The following TMEM17 variants were observed in gnomAD, a reference collection of about 807,000 sequenced individuals.
TMEM17 encodes the protein transmembrane protein 17.
Under a neutral mutation model 19.1 loss-of-function variants are expected in TMEM17, and 15 were observed. The observed-to-expected ratio is 0.78, with a 90% CI of 0.52 to 1.21. The LOEUF (loss-of-function observed/expected upper bound fraction) is 1.21, where lower values mean the gene tolerates loss of function less well. Ranked by LOEUF, TMEM17 falls within the 50% of genes most tolerant of loss-of-function variation. The probability of loss-of-function intolerance (pLI) is 0.00; values close to 1 mark genes in which losing one functional copy is unlikely to be tolerated. For missense variants in TMEM17, 245 were observed against 242.3 expected (o/e 1.01, Z -0.07); for synonymous variants, 103 against 86.9 (o/e 1.19, Z -1.03).
the TMEM17 span, among the ~76,000 whole-genome samples, chr2:62,492,025 T>G: frequency 6.6e-6 from 1 of 151,986 alleles, no homozygotes; most frequent in Non-Finnish European, 1.5e-5. Context: ...TAAAAAACAA[T>G]GAGAGTAGCT....
chr2:62,476,568 T>C, the TMEM17 span, among the ~76,000 whole-genome samples: 3 of 152,330 alleles, frequency 2.0e-5, no homozygotes, highest in Middle Eastern at 3.4e-3. Context: ...CATTGTAAAG[T>C]TGAAAAATCC....
the TMEM17 span, among the ~76,000 whole-genome samples, chr2:62,487,239 C>T: frequency 3.3e-5 from 5 of 152,238 alleles, no homozygotes; most frequent in African/African-American, 1.2e-4. Context: ...TTTGCCACCA[C>T]ATTCCTTGTT....
the TMEM17 span, among the ~76,000 whole-genome samples, chr2:62,471,889 TGG>T: frequency 6.6e-6 from 1 of 152,272 alleles, no homozygotes; most frequent in Non-Finnish European, 1.5e-5. Flanking sequence ...TAGTCGTCTA[TGG>T]TGTTTCAGCC....
the TMEM17 span, among the ~76,000 whole-genome samples, chr2:62,464,527 C>T: frequency 6.6e-6 from 1 of 152,216 alleles, no homozygotes; most frequent in African/African-American, 2.4e-5. Context: ...CAAAACTTCA[C>T]TTCTGTGGTA....
At chr2:62,473,293 C>A in the TMEM17 span, among the ~76,000 whole-genome samples, 1 of 152,182 alleles carries the variant, frequency 6.6e-6, no homozygotes, top group Non-Finnish European at 1.5e-5. Flanking sequence ...ACCACACCGC[C>A]AAAACCCAGA....
chr2:62,466,582 A>C, the TMEM17 span, among the ~76,000 whole-genome samples: 47 of 152,256 alleles, frequency 3.1e-4, no homozygotes, highest in Non-Finnish European at 5.4e-4. Flanking sequence ...CCTGTCTGGA[A>C]CTTTCTGGAT....
At chr2:62,474,480 G>A in the TMEM17 span, among the ~76,000 whole-genome samples, 1 of 152,216 alleles carries the variant, frequency 6.6e-6, no homozygotes, top group Non-Finnish European at 1.5e-5. Context: ...GGCCATGAAA[G>A]CACGGTAACG....
chr2:62,500,903 A>C lies in TMEM17; in HGVS notation c.*306T>G. ...TCTCTAGTTAAAGATTCTAACCAGA[A>C]ATGCTACGAGAGAGCTGGCAAATGA... On this transcript the variant is annotated 3_prime_UTR_variant, in exon 4 of 4. Transcript: ENST00000335390. The C allele has an allele frequency of 4.1e-6, 1 of 243,736 alleles. No homozygotes were observed. 15.1% of individuals were successfully genotyped at this position (243,736 alleles called of 1,614,324 possible).
chr2:62,473,290 C>A, the TMEM17 span, among the ~76,000 whole-genome samples: 1 of 152,156 alleles, frequency 6.6e-6, no homozygotes, highest in Admixed American at 6.5e-5. Flanking sequence ...CCAACCACAC[C>A]GCCAAAACCC....
the TMEM17 span, among the ~76,000 whole-genome samples, chr2:62,480,109 G>A: frequency 2.6e-5 from 4 of 151,978 alleles, no homozygotes; most frequent in Non-Finnish European, 5.9e-5. Context: ...CACTCTAACC[G>A]GAGTGAGATG....
chr2:62,467,425 C>T, the TMEM17 span, among the ~76,000 whole-genome samples: 3 of 152,130 alleles, frequency 2.0e-5, no homozygotes, highest in Non-Finnish European at 2.9e-5. Context: ...CTTTAACATT[C>T]GATGAACATG....
At chr2:62,495,877 C>T (rs987506257), downstream of TMEM17, among the ~76,000 whole-genome samples, 27 of 152,270 alleles carry the variant, frequency 1.8e-4, no homozygotes, top group East Asian at 5.2e-3. Context: ...TATTCAAGAA[C>T]AAAGTAATCC....
the TMEM17 span, among the ~76,000 whole-genome samples, chr2:62,460,505 A>G: frequency 6.6e-6 from 1 of 152,052 alleles, no homozygotes; most frequent in Admixed American, 6.5e-5. Flanking sequence ...TTAAAATTCA[A>G]CATTTCACCA....
the TMEM17 span, among the ~76,000 whole-genome samples, chr2:62,457,122 C>A: frequency 1.9e-4 from 29 of 152,354 alleles, no homozygotes; most frequent in South Asian, 6.0e-3. This position sits in a 1 kb window ranked among gnomAD's most constrained non-coding sequence, Gnocchi z 4.2. Context: ...CCAGCAGGGG[C>A]CAGCATCCCC....
At chr2:62,473,670 G>A in the TMEM17 span, among the ~76,000 whole-genome samples, 4 of 152,214 alleles carry the variant, frequency 2.6e-5, no homozygotes, top group African/African-American at 7.2e-5. Context: ...ATGGTGAGCA[G>A]GTGGGCAGAC....
the TMEM17 span, among the ~76,000 whole-genome samples, chr2:62,474,129 C>G: frequency 2.0e-5 from 3 of 152,126 alleles, no homozygotes; most frequent in Non-Finnish European, 2.9e-5. Flanking sequence ...AAGAAGGGAG[C>G]TGCTGCGTTC....
Position 62,501,012 on chromosome 2 carries a change from A to T in TMEM17, c.*197T>A. 3 of 466,344 alleles carry T rather than the reference A, an allele frequency of 6.4e-6. No individual in the cohort carries two copies. The highest frequency in any genetic ancestry group is 1.1e-5 in the Non-Finnish European group (3 of 280,606). 28.9% of individuals were successfully genotyped at this position (466,344 alleles called of 1,614,324 possible). The stretch of plus-strand genomic sequence containing the variant: ...TAAGAAATTTGGCATCAGGTGGACA[A>T]CATCTAGGTTTTAGGGTTAATATAC... On this transcript the variant is annotated 3_prime_UTR_variant, in exon 4 of 4. Transcript: ENST00000335390.
the TMEM17 span, among the ~76,000 whole-genome samples, chr2:62,457,198 C>T: frequency 1.1e-4 from 16 of 152,374 alleles, no homozygotes; most frequent in South Asian, 3.1e-3. The surrounding 1 kb of genome is among the most constrained non-coding windows in gnomAD (Gnocchi z 4.2). Flanking sequence ...GCGCCGCTGC[C>T]AAGCCCCCTG....
downstream of TMEM17, among the ~76,000 whole-genome samples, chr2:62,498,019 C>T (rs1679815065): frequency 1.3e-5 from 2 of 152,204 alleles, no homozygotes. Context: ...TGTCTATGAA[C>T]CTTTGACTAC....
Sources: allele counts gnomAD v4.1 joint callset (sites outside exome capture counted in the v4.1 genomes callset), GRCh38; gene constraint gnomAD v4.1.1; non-coding constraint Gnocchi (gnomAD v3.1); transcripts MANE v1.5; gene names NCBI Gene and HGNC (gene_info 2026-07-23, HGNC 2026-07-21).